The following ANKS1B variants were observed in gnomAD, a reference collection of about 807,000 sequenced individuals.
The protein encoded by ANKS1B is ankyrin repeat and sterile alpha motif domain containing 1B, also known as ankyrin repeat and sterile alpha motif domain-containing protein 1B.
A neutral mutation model predicts 148.3 loss-of-function variants in ANKS1B; 36 were observed. The ratio of observed to expected loss-of-function variants is 0.24; its 90% CI spans 0.19 to 0.32. ANKS1B has a LOEUF of 0.32. Ranked by LOEUF, ANKS1B falls within the 10% of genes least tolerant of loss-of-function variation. ANKS1B has a pLI of 1.00. For missense variants in ANKS1B, 1,157 were observed against 1,542.6 expected, an observed-to-expected ratio of 0.75 and a Z score of 4.19; for synonymous variants, 542 against 560.8, an observed-to-expected ratio of 0.97 and a Z score of 0.47.
intron 22 of ANKS1B, among the ~76,000 whole-genome samples, chr12:98,798,133 T>C (rs1173162405): frequency 1.3e-5 from 2 of 151,730 alleles, no homozygotes; most frequent in Non-Finnish European, 2.9e-5. Flanking sequence ...ATTTTTTTTT[T>C]TTTTTTGAGA....
intron 17 of ANKS1B, among the ~76,000 whole-genome samples, chr12:98,958,867 GTA>G (rs1193160330): frequency 6.6e-6 from 1 of 152,174 alleles, no homozygotes; most frequent in Non-Finnish European, 1.5e-5. Flanking sequence ...ACATTTAGAT[GTA>G]TCAATGAGAC....
intron 1 of ANKS1B, among the ~76,000 whole-genome samples, chr12:99,903,918 C>T (rs1183500975): frequency 1.3e-5 from 2 of 152,016 alleles, no homozygotes; most frequent in African/African-American, 4.8e-5. Context: ...TAAAAAGTTG[C>T]CAAGTGTTCA....
At chr12:99,740,327 C>CAAAAAA (rs1431220570) in intron 8 of ANKS1B, among the ~76,000 whole-genome samples, 1 of 150,424 alleles carries the variant, frequency 6.6e-6, no homozygotes, top group Admixed American at 6.6e-5. Context: ...AAAACAAAAA[C>CAAAAAA]AAAAAACAAA....
chr12:99,527,552 A>C (rs2096939127), intron 9 of ANKS1B, among the ~76,000 whole-genome samples: 1 of 152,154 alleles, frequency 6.6e-6, no homozygotes, highest in South Asian at 2.1e-4. Context: ...GTAGCCATGG[A>C]GAGTTATATC....
chr12:99,370,348 G>T (rs2093060176), intron 12 of ANKS1B, among the ~76,000 whole-genome samples: 1 of 152,090 alleles, frequency 6.6e-6, no homozygotes, highest in Non-Finnish European at 1.5e-5. Flanking sequence ...TATTGTTATG[G>T]CTTATGGAAC....
chr12:99,675,215 T>C (rs969085458), intron 8 of ANKS1B, among the ~76,000 whole-genome samples: 1 of 152,028 alleles, frequency 6.6e-6, no homozygotes, highest in Admixed American at 6.6e-5. Flanking sequence ...GAAATTCCAC[T>C]TCTAGTTATC....
intron 9 of ANKS1B, among the ~76,000 whole-genome samples, chr12:99,632,582 C>T (rs890748838): frequency 6.6e-6 from 1 of 151,190 alleles, no homozygotes; most frequent in East Asian, 2.0e-4. Context: ...GGGGACTTAA[C>T]CCCCACATCA....
chr12:98,812,129 G>A (rs988301622), intron 19 of ANKS1B, among the ~76,000 whole-genome samples: 3 of 152,098 alleles, frequency 2.0e-5, no homozygotes, highest in African/African-American at 4.8e-5. Flanking sequence ...TTCTAATACC[G>A]TCATGCACAA....
chr12:99,162,572 C>A (rs1407407513), intron 14 of ANKS1B, among the ~76,000 whole-genome samples: 5 of 152,014 alleles, frequency 3.3e-5, no homozygotes, highest in African/African-American at 1.2e-4. Context: ...ATCCTCCCTG[C>A]AAGGTTATTC....
chr12:99,823,403 T>C (rs1326709893), intron 2 of ANKS1B, among the ~76,000 whole-genome samples: 1 of 152,140 alleles, frequency 6.6e-6, no homozygotes, highest in Non-Finnish European at 1.5e-5. Context: ...CCTCCAGGGT[T>C]CAAGCGATTC....
chr12:99,785,942 C>T (rs1279829888), intron 4 of ANKS1B, among the ~76,000 whole-genome samples: 1 of 152,110 alleles, frequency 6.6e-6, no homozygotes, highest in Non-Finnish European at 1.5e-5. Flanking sequence ...TGTAAATATA[C>T]AGCACAGTTT....
intron 14 of ANKS1B, among the ~76,000 whole-genome samples, chr12:99,193,651 T>TA (rs1657944780): frequency 6.6e-6 from 1 of 152,046 alleles, no homozygotes; most frequent in Non-Finnish European, 1.5e-5. Flanking sequence ...GAGGAAAAGA[T>TA]ACTTCTTTTT....
chr12:99,522,686 A>T (rs1322447828), intron 9 of ANKS1B, among the ~76,000 whole-genome samples: 1 of 152,200 alleles, frequency 6.6e-6, no homozygotes, highest in Non-Finnish European at 1.5e-5. Context: ...CTATGAAAAA[A>T]ATATTAGGAG....
intron 4 of ANKS1B, among the ~76,000 whole-genome samples, chr12:99,785,364 G>A (rs1373978905): frequency 6.6e-6 from 1 of 151,790 alleles, no homozygotes; most frequent in African/African-American, 2.4e-5. Context: ...TCTCTAAAGT[G>A]GGATTCTAAT....
intron 17 of ANKS1B, among the ~76,000 whole-genome samples, chr12:99,038,296 A>G (rs2099956782): frequency 6.6e-6 from 1 of 152,174 alleles, no homozygotes; most frequent in Non-Finnish European, 1.5e-5. Flanking sequence ...CAATCTCAAG[A>G]AACCTCAGGC....
In ANKS1B at chr12:99,493,569, C is replaced by A. The variant is rs36120172; in HGVS notation, c.1438+10907G>T. Among the ~76,000 whole-genome samples, 285 of 152,166 alleles carry A rather than the reference C, an allele frequency of 1.9e-3. No individual in the cohort carries two copies. The Middle Eastern group carries it at 0.024, about 13-fold the overall frequency. On this transcript the variant is annotated intron_variant, in intron 10 of 26. Transcript: ENST00000683438. The stretch of plus-strand genomic sequence containing the variant: ...TAGGGATAGAAATGTACATAATTAC[C>A]CTCATCCTACTGTTTATTCCAGCTA...
intron 9 of ANKS1B, among the ~76,000 whole-genome samples, chr12:99,515,876 C>T (rs1338301400): frequency 6.6e-6 from 1 of 152,090 alleles, no homozygotes; most frequent in Non-Finnish European, 1.5e-5. Flanking sequence ...GAAATGATAT[C>T]TCATTGTAGT....
At chr12:99,824,522 G>A (rs905869513) in intron 2 of ANKS1B, among the ~76,000 whole-genome samples, 1 of 151,206 alleles carries the variant, frequency 6.6e-6, no homozygotes, top group Non-Finnish European at 1.5e-5. Context: ...AAAGTGAAAT[G>A]AAATGATACA....
chr12:99,259,013 A>C (rs75976077), intron 12 of ANKS1B, among the ~76,000 whole-genome samples: 190 of 152,340 alleles, frequency 1.2e-3, no homozygotes, highest in African/African-American at 4.4e-3. Flanking sequence ...AGTAGGTATT[A>C]TGGCATTTGC....
Sources: gnomAD v4.1 joint callset for allele counts (sites outside exome capture counted in the v4.1 genomes callset) on GRCh38, gnomAD v4.1.1 for gene constraint, MANE v1.5 for transcripts, NCBI Gene and HGNC (gene_info 2026-07-23, HGNC 2026-07-21) for gene names.